The following COP1 variants were observed in gnomAD, a reference collection of about 807,000 sequenced individuals.
COP1 encodes the protein COP1 E3 ubiquitin ligase.
In COP1, 24 loss-of-function variants were observed where a neutral mutation model predicts 101.3. The ratio of observed to expected loss-of-function variants is 0.24; its 90% CI spans 0.17 to 0.33. The LOEUF is 0.33. Ranked by LOEUF, COP1 falls within the 10% of genes least tolerant of loss-of-function variation. The pLI is 1.00. For missense variants in COP1, 663 were observed against 906.2 expected (o/e 0.73, Z 3.45); for synonymous variants, 347 against 341.9 (o/e 1.01, Z -0.17).
chr1:175,949,824 A>G (rs539748177), intron 18 of COP1, among the ~76,000 whole-genome samples: 1 of 152,228 alleles, frequency 6.6e-6, no homozygotes, highest in Non-Finnish European at 1.5e-5. Context: ...AGGAATGCAG[A>G]GACCTGGTGA....
chr1:176,072,342 T>C (rs541285059), intron 11 of COP1, among the ~76,000 whole-genome samples: 2 of 152,342 alleles, frequency 1.3e-5, no homozygotes, highest in South Asian at 2.1e-4. Flanking sequence ...ATTTAACAAA[T>C]ATTTACAGAC....
intron 8 of COP1, among the ~76,000 whole-genome samples, chr1:176,132,329 T>C (rs1304779599): frequency 6.6e-6 from 1 of 151,846 alleles, no homozygotes; most frequent in Non-Finnish European, 1.5e-5. Context: ...AGCCTGGCTA[T>C]GAAAACTAAA....
intron 8 of COP1, among the ~76,000 whole-genome samples, chr1:176,133,233 T>C (rs1404922459): frequency 6.6e-6 from 1 of 150,602 alleles, no homozygotes; most frequent in Non-Finnish European, 1.5e-5. Context: ...TACGTACGTA[T>C]ATGTACGTAG....
At chr1:175,992,578 C>T (rs1007210220) in intron 15 of COP1, among the ~76,000 whole-genome samples, 1 of 152,210 alleles carries the variant, frequency 6.6e-6, no homozygotes. Flanking sequence ...TAAAAAATGG[C>T]GGACCAGGAG....
At chr1:176,114,398 GTC>G (rs1685832300) in intron 9 of COP1, among the ~76,000 whole-genome samples, 1 of 152,054 alleles carries the variant, frequency 6.6e-6, no homozygotes, top group Non-Finnish European at 1.5e-5. Flanking sequence ...TAACAAGGTA[GTC>G]ATCCAAGTTT....
chr1:176,090,530 G>C (rs1259282796), intron 9 of COP1, among the ~76,000 whole-genome samples: 1 of 152,166 alleles, frequency 6.6e-6, no homozygotes, highest in Non-Finnish European at 1.5e-5. Context: ...GGTGAACTCA[G>C]AGATGTAATG....
chr1:176,081,114 T>C, intron 11 of COP1, 38 bp downstream of exon 11: 1 of 1,518,592 alleles, frequency 6.6e-7, no homozygotes, highest in Non-Finnish European at 9.0e-7. Context: ...ATTCTAGACA[T>C]TCTTACAAAA....
At chr1:176,108,526 C>T (rs1361218309) in intron 9 of COP1, among the ~76,000 whole-genome samples, 4 of 152,168 alleles carry the variant, frequency 2.6e-5, no homozygotes, top group Non-Finnish European at 5.9e-5. Flanking sequence ...TCTTCCTGGA[C>T]GACTATCAAC....
At chr1:175,972,488 CAG>C (rs1481220350) in intron 18 of COP1, among the ~76,000 whole-genome samples, 3 of 129,676 alleles carry the variant, frequency 2.3e-5, no homozygotes, top group Non-Finnish European at 4.7e-5. Flanking sequence ...TTTTTTGAGA[CAG>C]AGTCTGGCTG....
intron 18 of COP1, among the ~76,000 whole-genome samples, chr1:175,971,250 T>C (rs1653181372): frequency 6.6e-6 from 1 of 152,202 alleles, no homozygotes; most frequent in South Asian, 2.1e-4. Context: ...GTACAGAACA[T>C]ATTCTCCAAA....
At chr1:176,127,701 T>G (rs1230975585) in intron 8 of COP1, among the ~76,000 whole-genome samples, 1 of 152,112 alleles carries the variant, frequency 6.6e-6, no homozygotes, top group East Asian at 1.9e-4. Context: ...CTGTGAATAA[T>G]GGGACAAAGA....
chr1:176,128,023 T>C (rs1279509289), intron 8 of COP1, among the ~76,000 whole-genome samples: 1 of 133,924 alleles, frequency 7.5e-6, no homozygotes, highest in Non-Finnish European at 1.7e-5. Context: ...TTCTTTTCTA[T>C]GTCTTCTTTT....
chr1:176,016,973 A>C (rs1417177763), intron 15 of COP1, among the ~76,000 whole-genome samples: 1 of 152,196 alleles, frequency 6.6e-6, no homozygotes, highest in Admixed American at 6.5e-5. Flanking sequence ...TTATTTCTGT[A>C]AATATTACAG....
chr1:175,947,066 T>A lies in COP1; in HGVS notation c.2178+129A>T, dbSNP rs1649269421. ...TATTCTTTTCCCTTAAATCAAGCCA[T>A]TTGTAAGGAGACACAGACCCATGAT... On this transcript the variant is annotated intron_variant, in intron 19 of 19. Coordinates refer to ENST00000367669, the MANE Select transcript of COP1 (RefSeq NM_022457.7). 1.3e-5 allele frequency: 9 copies of A among 697,508 alleles called. 1 individual carries two copies. The East Asian group carries it at 2.3e-4, about 18-fold the overall frequency. The allele number at this position is 697,508 out of a possible 1,614,324, so 43.2% of individuals were successfully genotyped here.
At chr1:176,007,395 G>A (rs1433646548) in intron 15 of COP1, among the ~76,000 whole-genome samples, 6 of 152,228 alleles carry the variant, frequency 3.9e-5, no homozygotes, top group South Asian at 2.1e-4. Context: ...GAGGAACTGC[G>A]TTCCTTTGGA....
chr1:176,096,238 T>A (rs1354471469), intron 9 of COP1, among the ~76,000 whole-genome samples: 7 of 152,162 alleles, frequency 4.6e-5, no homozygotes, highest in African/African-American at 1.4e-4. Flanking sequence ...CTTTCGCTTC[T>A]GAGCCTTTTG....
At chr1:176,099,128 C>T (rs900160238) in intron 9 of COP1, among the ~76,000 whole-genome samples, 1 of 138,456 alleles carries the variant, frequency 7.2e-6, no homozygotes, top group Non-Finnish European at 1.7e-5. Flanking sequence ...TGTAACTACC[C>T]TGGACATTTT....
At chr1:176,154,665 C>T (rs1050059556) in intron 5 of COP1, among the ~76,000 whole-genome samples, 6 of 151,874 alleles carry the variant, frequency 4.0e-5, no homozygotes, top group African/African-American at 1.2e-4. Context: ...AAAAGGATCA[C>T]GAAAAATAAC....
intron 9 of COP1, among the ~76,000 whole-genome samples, chr1:176,106,159 T>G (rs1684265757): frequency 6.6e-6 from 1 of 152,156 alleles, no homozygotes; most frequent in Non-Finnish European, 1.5e-5. Flanking sequence ...GCATCCTGAG[T>G]AGCTGGGATT....
Sources: gnomAD v4.1 joint callset for allele counts (sites outside exome capture counted in the v4.1 genomes callset) on GRCh38, gnomAD v4.1.1 for gene constraint, MANE v1.5 for transcripts, NCBI Gene and HGNC (gene_info 2026-07-23, HGNC 2026-07-21) for gene names.